SNTG1: variants seen among roughly 807,000 people sequenced by gnomAD.
SNTG1 encodes syntrophin gamma 1.
In SNTG1, 39 loss-of-function variants were observed where a neutral mutation model predicts 74.7. The ratio of observed to expected loss-of-function variants is 0.52; its 90% confidence interval spans 0.40 to 0.68. The LOEUF is 0.68. SNTG1 is among the 30% of genes least tolerant of loss of function. The probability of loss-of-function intolerance (pLI) is 0.00; values close to 1 mark genes in which losing one functional copy is unlikely to be tolerated. For missense variants in SNTG1, 685 were observed against 609.5 expected, an observed-to-expected ratio of 1.12 and a Z score of -1.30; for synonymous variants, 254 against 217.1, an observed-to-expected ratio of 1.17 and a Z score of -1.49.
At chr8:50,079,279 C>A (rs1018331098) in intron 1 of SNTG1, among the ~76,000 whole-genome samples, 3 of 152,060 alleles carry the variant, frequency 2.0e-5, no homozygotes, top group African/African-American at 4.8e-5. Flanking sequence ...TATCTCATTG[C>A]GGTCTTGATT....
intron 2 of SNTG1, among the ~76,000 whole-genome samples, chr8:50,291,990 T>G (rs1044764235): frequency 6.7e-6 from 1 of 148,374 alleles, no homozygotes; most frequent in African/African-American, 2.6e-5. Context: ...TGAGGAAAGG[T>G]GTGTGTGTGT....
intron 17 of SNTG1, among the ~76,000 whole-genome samples, chr8:50,748,101 G>T (rs1371211546): frequency 6.6e-6 from 1 of 151,924 alleles, no homozygotes; most frequent in African/African-American, 2.4e-5. Context: ...AAATACATAT[G>T]TACAAATGGA....
At chr8:50,717,072 C>T (rs546855688) in intron 17 of SNTG1, among the ~76,000 whole-genome samples, 1 of 152,226 alleles carries the variant, frequency 6.6e-6, no homozygotes, top group Admixed American at 6.5e-5. Context: ...CATTATAGAG[C>T]ATTGTGAAAA....
intron 18 of SNTG1, among the ~76,000 whole-genome samples, chr8:50,764,844 T>C (rs2095609607): frequency 6.6e-6 from 1 of 151,982 alleles, no homozygotes; most frequent in African/African-American, 2.4e-5. Context: ...TAATTGCTAC[T>C]CCACTCACAA....
chr8:50,490,654 A>T (rs1367020523), intron 8 of SNTG1: 1 of 152,266 alleles, frequency 6.6e-6, no homozygotes, highest in African/African-American at 2.4e-5. Context: ...GTAAATCCAC[A>T]TTGGAGGAAC....
In SNTG1 at chr8:50,487,095, C is replaced by A. The variant is rs2093802894; in HGVS notation, c.364-15683C>A. ...AAAAAACACATGAAAAAATGCTCAT[C>A]ATCACTGGCCATCAGAGAAATGCAA... On this transcript the variant is annotated intron_variant, in intron 8 of 18. Transcript: ENST00000642720. 2.0e-5 allele frequency among the ~76,000 whole-genome samples: 3 copies of A among 152,280 alleles called. No individual in the cohort carries two copies. The South Asian group carries it at 6.2e-4, about 32-fold the overall frequency.
At chr8:50,454,262 C>T (rs775173800) in intron 8 of SNTG1, among the ~76,000 whole-genome samples, 4 of 152,006 alleles carry the variant, frequency 2.6e-5, no homozygotes, top group South Asian at 2.1e-4. Context: ...TTTGGGAGGC[C>T]GAGGTGGGCA....
chr8:50,628,019 T>C (rs2094968492), intron 13 of SNTG1, among the ~76,000 whole-genome samples: 1 of 152,202 alleles, frequency 6.6e-6, no homozygotes, highest in Non-Finnish European at 1.5e-5. Context: ...TAATCAAGCC[T>C]TGTTCTTTCT....
intron 2 of SNTG1, among the ~76,000 whole-genome samples, chr8:50,298,553 C>A (rs992215514): frequency 6.6e-6 from 1 of 152,146 alleles, no homozygotes; most frequent in Non-Finnish European, 1.5e-5. Context: ...GGGGCTGATG[C>A]ACTTATTATT....
At chr8:50,589,221 T>G (rs1246725535) in intron 12 of SNTG1, among the ~76,000 whole-genome samples, 1 of 152,148 alleles carries the variant, frequency 6.6e-6, no homozygotes, top group Non-Finnish European at 1.5e-5. Flanking sequence ...AGTTAATAAG[T>G]TGATCTTTTC....
intron 1 of SNTG1, among the ~76,000 whole-genome samples, chr8:50,079,544 C>T (rs530110508): frequency 3.9e-5 from 6 of 152,154 alleles, no homozygotes; most frequent in South Asian, 2.1e-4. Flanking sequence ...GTTTCTTTTG[C>T]TGAGCAGAAG....
At chr8:49,923,958 A>C (rs747990624) in intron 1 of SNTG1, among the ~76,000 whole-genome samples, 1 of 152,224 alleles carries the variant, frequency 6.6e-6, no homozygotes, top group Admixed American at 6.5e-5. Flanking sequence ...CAAGACATTA[A>C]AGAACATCAT....
chr8:50,226,191 A>T (rs1168350754), intron 2 of SNTG1, among the ~76,000 whole-genome samples: 1 of 152,118 alleles, frequency 6.6e-6, no homozygotes, highest in Non-Finnish European at 1.5e-5. Flanking sequence ...TATCTTACCC[A>T]AATTCCTATC....
At chr8:50,372,790 C>G (rs1297059552) in intron 2 of SNTG1, among the ~76,000 whole-genome samples, 1 of 152,000 alleles carries the variant, frequency 6.6e-6, no homozygotes, top group East Asian at 1.9e-4. Context: ...AGTTGTTTGT[C>G]TCTGTGGAGT....
chr8:50,464,952 G>GA (rs71233500), intron 8 of SNTG1, among the ~76,000 whole-genome samples: 10,735 of 143,404 alleles, frequency 0.075, 746 homozygotes, highest in African/African-American at 0.19. Flanking sequence ...CATGCTGTTG[G>GA]AAAAAAAAAA....
At chr8:50,101,031 A>G (rs971015175) in intron 1 of SNTG1, among the ~76,000 whole-genome samples, 1 of 151,998 alleles carries the variant, frequency 6.6e-6, no homozygotes, top group African/African-American at 2.4e-5. Flanking sequence ...AACATATGGT[A>G]TTTGGTTTTC....
chr8:50,670,717 A>ATTTTTGGTTCCTCTTTTTT (rs1277137002), intron 15 of SNTG1, among the ~76,000 whole-genome samples: 1 of 146,658 alleles, frequency 6.8e-6, no homozygotes, highest in African/African-American at 2.6e-5. Flanking sequence ...GGAACCAAAA[A>ATTTTTGGTTCCTCTTTTTT]AGAGCCCGCA....
intron 4 of SNTG1, among the ~76,000 whole-genome samples, chr8:50,408,677 T>A (rs2092910079): frequency 6.6e-6 from 1 of 152,136 alleles, no homozygotes; most frequent in Non-Finnish European, 1.5e-5. Flanking sequence ...GAAGCTCCAG[T>A]CAGGCAAAAT....
intron 10 of SNTG1, among the ~76,000 whole-genome samples, chr8:50,533,097 A>T (rs114956223): frequency 6.6e-6 from 1 of 152,224 alleles, no homozygotes; most frequent in Non-Finnish European, 1.5e-5. Context: ...TTGAAGGTAC[A>T]TGAAAGTCAC....
Sources: gnomAD v4.1 joint callset for allele counts (sites outside exome capture counted in the v4.1 genomes callset) on GRCh38, gnomAD v4.1.1 for gene constraint, MANE v1.5 for transcripts, NCBI Gene and HGNC (gene_info 2026-07-23, HGNC 2026-07-21) for gene names.